ACOXL: variants seen among roughly 807,000 people sequenced by gnomAD.
ACOXL encodes acyl-CoA oxidase like.
Under a neutral mutation model 71.9 loss-of-function variants are expected in ACOXL, and 70 were observed. The observed-to-expected ratio is 0.97, with a 90% CI of 0.80 to 1.19. The LOEUF (loss-of-function observed/expected upper bound fraction) is 1.19. ACOXL is among the 50% of genes most tolerant of loss of function. The pLI, the probability that ACOXL is intolerant of heterozygous loss-of-function variation, is 0.00. For missense variants in ACOXL, 703 were observed against 736.3 expected, an observed-to-expected ratio of 0.95 and a Z score of 0.52; for synonymous variants, 253 against 281.6, an observed-to-expected ratio of 0.90 and a Z score of 1.02.
At chr2:110,944,944 C>T (rs908953518) in intron 12 of ACOXL, among the ~76,000 whole-genome samples, 1 of 152,224 alleles carries the variant, frequency 6.6e-6, no homozygotes, top group Non-Finnish European at 1.5e-5. Flanking sequence ...AGTGGCTGAA[C>T]CAATTTACAT....
intron 12 of ACOXL, among the ~76,000 whole-genome samples, chr2:110,951,828 A>G (rs2061344259): frequency 6.6e-6 from 1 of 152,234 alleles, no homozygotes; most frequent in African/African-American, 2.4e-5. Context: ...CAGGATCTAT[A>G]CAACTCAGTC....
rs573028444 is a variant in ACOXL, at chr2:111,007,751, C to T, written c.1281+11747C>T. Among the ~76,000 whole-genome samples the T allele has an allele frequency of 2.0e-5, 3 of 152,306 alleles. No homozygotes were observed. The South Asian group carries it at 6.2e-4, about 32-fold the overall frequency. On this transcript the variant is annotated intron_variant, in intron 14 of 17. Transcript: ENST00000439055. ...GCTCATTGCTACTGAGTTGTTGCTGCTTCTAGGCCTACCCAAAGCTATGAA... is the reference window on the plus strand; with the variant it reads ...GCTCATTGCTACTGAGTTGTTGCTGTTTCTAGGCCTACCCAAAGCTATGAA...
intron 8 of ACOXL, 39 bp from the exon 9 acceptor site, chr2:110,805,224 T>C (rs770582252): frequency 1.2e-6 from 2 of 1,612,702 alleles, no homozygotes; most frequent in South Asian, 2.2e-5. Context: ...TGGTGCTATG[T>C]CCTGCTTTTT....
intron 1 of ACOXL, among the ~76,000 whole-genome samples, chr2:110,764,564 A>G (rs1441521844): frequency 6.6e-6 from 1 of 152,220 alleles, no homozygotes; most frequent in East Asian, 1.9e-4. Context: ...ATGATACTAT[A>G]ATAGTAGATA....
At position 110,835,341 on chromosome 2, in the gene ACOXL, C is replaced by G. The variant is rs571796279; in HGVS notation, c.754-6030C>G. 1.2e-3 allele frequency among the ~76,000 whole-genome samples: 189 copies of G among 152,098 alleles called. 1 individual carries two copies. The highest frequency in any genetic ancestry group is 0.01 in the Middle Eastern group (3 of 294). On this transcript the variant is annotated intron_variant, in intron 9 of 17. Coordinates refer to ENST00000439055, the MANE Select transcript of ACOXL (RefSeq NM_001142807.4). ...TAAGCTCCATAGTGAACATAAGTTG[C>G]TGCTTTTCCTCCTCTTCCCTGTCTT...
intron 9 of ACOXL, among the ~76,000 whole-genome samples, chr2:110,816,924 C>T (rs1456456240): frequency 2.0e-5 from 3 of 152,222 alleles, no homozygotes; most frequent in Non-Finnish European, 2.9e-5. Context: ...CTTGCTCACC[C>T]GTTGCCTGGG....
At chr2:111,068,095 G>A (rs1049871723) in intron 16 of ACOXL, among the ~76,000 whole-genome samples, 6 of 152,196 alleles carry the variant, frequency 3.9e-5, no homozygotes, top group African/African-American at 1.4e-4. Flanking sequence ...CCCCTATACA[G>A]TGAAAACAGA....
chr2:110,875,457 A>G (rs1695788432), intron 10 of ACOXL, among the ~76,000 whole-genome samples: 1 of 152,070 alleles, frequency 6.6e-6, no homozygotes, highest in Non-Finnish European at 1.5e-5. Context: ...AGATATGGGG[A>G]GGTGTGGAGC....
At chr2:111,013,638 TAAC>T (rs1279737168) in intron 14 of ACOXL, among the ~76,000 whole-genome samples, 1 of 152,004 alleles carries the variant, frequency 6.6e-6, no homozygotes, top group Non-Finnish European at 1.5e-5. Context: ...TTTTATTCCA[TAAC>T]AACAACGTTT....
chr2:110,976,643 A>C (rs1033212168), intron 12 of ACOXL, among the ~76,000 whole-genome samples: 4 of 152,208 alleles, frequency 2.6e-5, no homozygotes, highest in African/African-American at 9.6e-5. Context: ...TGTGTGAAGA[A>C]ATACCTGGAT....
chr2:110,775,792 A>G (rs1218724584), intron 2 of ACOXL, among the ~76,000 whole-genome samples: 1 of 152,242 alleles, frequency 6.6e-6, no homozygotes, highest in Non-Finnish European at 1.5e-5. Flanking sequence ...ACCCATGTGC[A>G]TTGTCGGTGG....
At chr2:110,814,854 C>A (rs898329047) in intron 9 of ACOXL, among the ~76,000 whole-genome samples, 3 of 152,020 alleles carry the variant, frequency 2.0e-5, no homozygotes, top group Non-Finnish European at 4.4e-5. Context: ...TTTTTATTTG[C>A]TTGATATTTT....
chr2:110,835,226 TTTAAC>T (rs1333121778), intron 9 of ACOXL, among the ~76,000 whole-genome samples: 6 of 152,236 alleles, frequency 3.9e-5, no homozygotes, highest in Non-Finnish European at 7.3e-5. Flanking sequence ...CCTTTTTATT[TTTAAC>T]TTAAGTGTGG....
chr2:110,945,783 T>A (rs2061081292), intron 12 of ACOXL, among the ~76,000 whole-genome samples: 1 of 152,212 alleles, frequency 6.6e-6, no homozygotes, highest in Admixed American at 6.5e-5. Flanking sequence ...ATGTGATGCC[T>A]TCAGCTTTGT....
At chr2:110,980,567 G>C in intron 12 of ACOXL, among the ~76,000 whole-genome samples, 1 of 152,318 alleles carries the variant, frequency 6.6e-6, no homozygotes, top group Middle Eastern at 3.4e-3. Context: ...TGGGCCTGTG[G>C]GCTCTGCTTC....
intron 16 of ACOXL, among the ~76,000 whole-genome samples, chr2:111,075,392 T>C (rs2067550445): frequency 6.6e-6 from 1 of 152,142 alleles, no homozygotes. Flanking sequence ...TTCATAGTGT[T>C]TTATTTTATC....
intron 11 of ACOXL, among the ~76,000 whole-genome samples, chr2:110,928,481 C>G (rs1361255858): frequency 6.6e-6 from 1 of 152,156 alleles, no homozygotes; most frequent in Non-Finnish European, 1.5e-5. Flanking sequence ...AGTTAAGCAC[C>G]TTAGACATTA....
At chr2:111,109,671 A>T (rs1486638756) in intron 17 of ACOXL, among the ~76,000 whole-genome samples, 1,567 of 74,624 alleles carry the variant, frequency 0.021, 1 homozygote, top group Middle Eastern at 0.043. Context: ...TTCTCCTTCT[A>T]TTTTTTTTTT....
At chr2:110,987,257 GTTAT>G (rs1239239860) in intron 13 of ACOXL, 40 bp downstream of exon 13, 2 of 1,526,062 alleles carry the variant, frequency 1.3e-6, no homozygotes, top group Non-Finnish European at 1.8e-6. Flanking sequence ...CCTTCAGTGG[GTTAT>G]CATGAAGCCT....
Sources: gnomAD v4.1 joint callset for allele counts (sites outside exome capture counted in the v4.1 genomes callset) on GRCh38, gnomAD v4.1.1 for gene constraint, MANE v1.5 for transcripts, NCBI Gene and HGNC (gene_info 2026-07-23, HGNC 2026-07-21) for gene names.